Variants in FLI1 observed in about 807,000 individuals in gnomAD.
FLI1 encodes the protein Fli-1 proto-oncogene, ETS transcription factor.
A neutral mutation model predicts 53.1 loss-of-function variants in FLI1; 13 were observed. That is an observed-to-expected ratio of 0.24 (90% CI 0.16 to 0.39). The LOEUF is 0.39. FLI1 is among the 10% of genes least tolerant of loss of function. FLI1 has a pLI of 1.00. For synonymous variants in FLI1, 244 were observed against 236.7 expected (o/e 1.03, Z -0.28); for missense variants, 424 against 600.5 (o/e 0.71, Z 3.07).
At chr11:128,713,692 C>T (rs191284077) in intron 1 of FLI1, among the ~76,000 whole-genome samples, 6 of 152,022 alleles carry the variant, frequency 3.9e-5, no homozygotes, top group Admixed American at 6.5e-5. Flanking sequence ...TGGGGTGCCT[C>T]GGGAGGGCAC....
At chr11:128,716,088 G>T (rs1037410196) in intron 1 of FLI1, among the ~76,000 whole-genome samples, 2 of 152,208 alleles carry the variant, frequency 1.3e-5, no homozygotes, top group African/African-American at 4.8e-5. Flanking sequence ...CATTGGTAGG[G>T]TTAGGAGCCA....
chr11:128,696,812 C>G (rs959375749), intron 1 of FLI1, among the ~76,000 whole-genome samples: 2 of 152,170 alleles, frequency 1.3e-5, no homozygotes, highest in Admixed American at 1.3e-4. Flanking sequence ...TAAGTCATGT[C>G]TATATTTCAA....
chr11:128,808,114 T>C (rs891356943), intron 7 of FLI1, among the ~76,000 whole-genome samples: 5 of 152,172 alleles, frequency 3.3e-5, no homozygotes, highest in African/African-American at 1.2e-4. Flanking sequence ...AAGTCAGATG[T>C]AGAGAGTTTT....
upstream of FLI1, chr11:128,693,518 C>G (rs12420835): frequency 5.5e-6 from 1 of 180,342 alleles, no homozygotes; most frequent in Non-Finnish European, 1.2e-5. Context: ...TCCATACCCC[C>G]CCTACCCCAC....
upstream of FLI1, among the ~76,000 whole-genome samples, chr11:128,690,694 TG>T (rs1340687237): frequency 1.3e-5 from 2 of 152,334 alleles, no homozygotes; most frequent in East Asian, 1.9e-4. Context: ...TTCACGCCCA[TG>T]TGCACGGTTT....
chr11:128,686,053 T>C, upstream of FLI1: 1 of 307,940 alleles, frequency 3.2e-6, no homozygotes, highest in Non-Finnish European at 6.5e-6. Context: ...CAGACCTCCC[T>C]AACCTTGCGT....
At chr11:128,722,276 G>C (rs543048771) in intron 1 of FLI1, among the ~76,000 whole-genome samples, 123 of 152,362 alleles carry the variant, frequency 8.1e-4, no homozygotes, top group Non-Finnish European at 9.4e-4. Flanking sequence ...TTTTGACAGG[G>C]TATGGAGGAG....
rs1057464718 is a variant in FLI1, at chr11:128,694,133, G to A, written c.-126G>A. 4 of 993,674 alleles carry A rather than the reference G, an allele frequency of 4.0e-6. No homozygotes were observed. The highest frequency in any genetic ancestry group is 3.6e-5 in the Admixed American group (1 of 27,970). 61.6% of individuals were successfully genotyped at this position (993,674 alleles called of 1,614,324 possible). On this transcript the variant is annotated 5_prime_UTR_variant, in exon 1 of 9. Transcript: ENST00000527786. Reference sequence around the variant, plus strand: ...GGAGTGAGGGCAGGGCGCTCGCAGGGGGCACGCAGGGAGGGCCCAGGGCGC... The same window carrying A: ...GGAGTGAGGGCAGGGCGCTCGCAGGAGGCACGCAGGGAGGGCCCAGGGCGC...
chr11:128,692,835 C>G (rs1348455905), upstream of FLI1: 2 of 152,146 alleles, frequency 1.3e-5, no homozygotes, highest in Non-Finnish European at 2.9e-5. Flanking sequence ...GAAGGGAGTC[C>G]GGCCGAAAGG....
chr11:128,693,335 G>A (rs1162861725), upstream of FLI1: 1 of 152,470 alleles, frequency 6.6e-6, no homozygotes, highest in Non-Finnish European at 1.5e-5. Flanking sequence ...CCCAGAATCC[G>A]CTTCGATGAG....
At chr11:128,716,550 A>G (rs574477626) in intron 1 of FLI1, among the ~76,000 whole-genome samples, 22 of 152,178 alleles carry the variant, frequency 1.4e-4, no homozygotes, top group Admixed American at 3.9e-4. Flanking sequence ...TTGATTTTTG[A>G]TAGTTTGGAG....
chr11:128,793,429 C>G (rs568815413), intron 5 of FLI1, among the ~76,000 whole-genome samples: 1 of 152,208 alleles, frequency 6.6e-6, no homozygotes, highest in Non-Finnish European at 1.5e-5. Flanking sequence ...GAGATGAACA[C>G]TTGTGTTCTT....
Position 128,811,022 on chromosome 11 carries a change from C to G in FLI1, c.*34C>G. 1 of 1,603,482 alleles carries G rather than the reference C, an allele frequency of 6.2e-7. No homozygotes were observed. The highest frequency in any genetic ancestry group is 1.1e-5 in the South Asian group (1 of 90,854). Reference sequence around the variant, plus strand: ...TCATCAGTGGCCTTCTAGCTGAAGCCCATCCTGCACACTTACTGGATGCTT... The same window carrying G: ...TCATCAGTGGCCTTCTAGCTGAAGCGCATCCTGCACACTTACTGGATGCTT... On this transcript the variant is annotated 3_prime_UTR_variant, in exon 9 of 9. Coordinates refer to ENST00000527786, the MANE Select transcript of FLI1 (RefSeq NM_002017.5).
chr11:128,749,181 A>G (rs1266578555), intron 1 of FLI1, among the ~76,000 whole-genome samples: 1 of 152,210 alleles, frequency 6.6e-6, no homozygotes, highest in East Asian at 1.9e-4. Flanking sequence ...GTCAATAACC[A>G]CAGTGAAAGG....
chr11:128,720,366 C>A (rs1036774198), intron 1 of FLI1, among the ~76,000 whole-genome samples: 1 of 152,148 alleles, frequency 6.6e-6, no homozygotes, highest in Non-Finnish European at 1.5e-5. Context: ...TTGTAACAGA[C>A]GCAGCCTTAT....
intron 4 of FLI1, among the ~76,000 whole-genome samples, chr11:128,774,183 G>C (rs1345548277): frequency 2.0e-5 from 3 of 152,156 alleles, no homozygotes; most frequent in Non-Finnish European, 4.4e-5. Flanking sequence ...ACACGTGCTG[G>C]CTGGAGAAAT....
At chr11:128,756,555 G>C (rs1417558279) in intron 1 of FLI1, among the ~76,000 whole-genome samples, 1 of 152,188 alleles carries the variant, frequency 6.6e-6, no homozygotes, top group Non-Finnish European at 1.5e-5. Context: ...TGGCCTAAGA[G>C]AATCTTTGTT....
chr11:128,763,998 C>A (rs1190724926), intron 2 of FLI1, among the ~76,000 whole-genome samples: 4 of 152,220 alleles, frequency 2.6e-5, no homozygotes, highest in African/African-American at 7.2e-5. Flanking sequence ...GAGTTACACG[C>A]CGCGGGTCCT....
At chr11:128,762,236 C>T (rs572640507) in intron 2 of FLI1, among the ~76,000 whole-genome samples, 39 of 152,268 alleles carry the variant, frequency 2.6e-4, no homozygotes, top group African/African-American at 7.9e-4. Flanking sequence ...AATGACAGTT[C>T]GTTACTTGCA....
Sources: gnomAD v4.1 joint callset for allele counts (sites outside exome capture counted in the v4.1 genomes callset) on GRCh38, gnomAD v4.1.1 for gene constraint, MANE v1.5 for transcripts, NCBI Gene and HGNC (gene_info 2026-07-23, HGNC 2026-07-21) for gene names.